Variants in GLIS3 observed in about 807,000 individuals in gnomAD.
GLIS3 encodes zinc finger protein GLIS3.
A neutral mutation model predicts 78.6 loss-of-function variants in GLIS3; 53 were observed. The ratio of observed to expected loss-of-function variants is 0.67; its 90% confidence interval spans 0.54 to 0.85. GLIS3 has a LOEUF of 0.85. GLIS3 is among the 40% of genes least tolerant of loss of function. The pLI is 0.00. For missense variants in GLIS3, 1,703 were observed against 1,231.1 expected, an observed-to-expected ratio of 1.38 and a Z score of -5.74; for synonymous variants, 684 against 509.9, an observed-to-expected ratio of 1.34 and a Z score of -4.60.
the GLIS3 span, among the ~76,000 whole-genome samples, chr9:4,455,181 A>T: frequency 2.0e-5 from 3 of 152,212 alleles, no homozygotes; most frequent in Non-Finnish European, 4.4e-5. Context: ...TAAAGTTACT[A>T]TTCTTTCACA....
chr9:4,217,466 A>G (rs893386413), intron 2 of GLIS3, among the ~76,000 whole-genome samples: 1 of 152,176 alleles, frequency 6.6e-6, no homozygotes, highest in Non-Finnish European at 1.5e-5. Flanking sequence ...TCTAAGAGTG[A>G]AGTGCACTTA....
the GLIS3 span, among the ~76,000 whole-genome samples, chr9:4,382,265 T>C: frequency 6.6e-6 from 1 of 152,290 alleles, no homozygotes; most frequent in South Asian, 2.1e-4. Flanking sequence ...AAAGTACAGA[T>C]TGGAGAACAT....
intron 2 of GLIS3, among the ~76,000 whole-genome samples, chr9:4,200,094 A>G (rs1417418523): frequency 2.0e-5 from 3 of 152,178 alleles, no homozygotes; most frequent in African/African-American, 7.2e-5. Context: ...ATTTTTTACA[A>G]ACTTCAATAT....
chr9:4,153,838 T>A (rs968522906), intron 2 of GLIS3, among the ~76,000 whole-genome samples: 1 of 152,214 alleles, frequency 6.6e-6, no homozygotes, highest in South Asian at 2.1e-4. Flanking sequence ...CAACTTAGCA[T>A]CCTTAAAACA....
intron 4 of GLIS3, among the ~76,000 whole-genome samples, chr9:3,952,633 T>A (rs1052655908): frequency 3.3e-5 from 5 of 152,202 alleles, no homozygotes; most frequent in Non-Finnish European, 5.9e-5. Flanking sequence ...TGAATAATAA[T>A]GGGTCAGATT....
At chr9:3,886,984 A>G (rs1319566789) in intron 7 of GLIS3, among the ~76,000 whole-genome samples, 2 of 152,164 alleles carry the variant, frequency 1.3e-5, no homozygotes, top group African/African-American at 4.8e-5. Flanking sequence ...CAGGAAGGGC[A>G]TCATTCCACA....
the GLIS3 span, among the ~76,000 whole-genome samples, chr9:4,418,020 C>T: frequency 8.9e-3 from 1,358 of 152,262 alleles, 51 homozygotes; most frequent in East Asian, 0.062. Context: ...CACTAAAACC[C>T]GCTAACACCT....
chr9:4,111,332 T>G (rs1007669202), intron 4 of GLIS3, among the ~76,000 whole-genome samples: 1 of 152,214 alleles, frequency 6.6e-6, no homozygotes, highest in Admixed American at 6.5e-5. Context: ...TTATCTATTG[T>G]TTTTCATTCA....
At chr9:3,910,820 A>C (rs973760566) in intron 6 of GLIS3, among the ~76,000 whole-genome samples, 4 of 152,326 alleles carry the variant, frequency 2.6e-5, no homozygotes, top group African/African-American at 9.6e-5. Flanking sequence ...AAGACAGAGA[A>C]AGCATCTAAC....
chr9:3,956,028 C>CCAAAAAAAAAA (rs1491307787), intron 4 of GLIS3, among the ~76,000 whole-genome samples: 2 of 87,628 alleles, frequency 2.3e-5, no homozygotes, highest in African/African-American at 4.1e-5. Context: ...CCAGATTCAG[C>CCAAAAAAAAAA]AAAAAAAAAA....
chr9:4,293,847 C>T (rs1023527902), intron 1 of GLIS3, among the ~76,000 whole-genome samples: 2 of 152,210 alleles, frequency 1.3e-5, no homozygotes, highest in African/African-American at 4.8e-5. Flanking sequence ...AATGTGCAGT[C>T]ATTCTTGTTC....
intron 4 of GLIS3, among the ~76,000 whole-genome samples, chr9:3,968,963 C>G (rs1818166057): frequency 1.3e-5 from 2 of 152,214 alleles, no homozygotes. Context: ...ACAAGACACC[C>G]TTTGCAAAAG....
intron 6 of GLIS3, among the ~76,000 whole-genome samples, chr9:3,903,802 T>C (rs183934241): frequency 1.9e-3 from 290 of 152,220 alleles, no homozygotes; most frequent in Non-Finnish European, 3.8e-3. Flanking sequence ...TTGGGAGTGA[T>C]AGGGGGAATT....
Position 4,285,742 on chromosome 9 carries a change from C to A in GLIS3, c.388+296G>T, listed in dbSNP as rs190805580. Reference sequence around the variant, plus strand: ...AGGGCATGATCTTGCTAACCTAGCTCTTACCCTTCCACCACAACCACTCAG... The same window carrying A: ...AGGGCATGATCTTGCTAACCTAGCTATTACCCTTCCACCACAACCACTCAG... On this transcript the variant is annotated intron_variant, in intron 2 of 10. Coordinates refer to ENST00000381971, the MANE Select transcript of GLIS3 (RefSeq NM_001042413.2). The A allele has an allele frequency of 6.1e-3, 2,564 of 418,738 alleles. 19 individuals carry two copies. The highest frequency in any genetic ancestry group is 8.0e-3 in the Non-Finnish European group (1,797 of 225,080). 25.9% of individuals were successfully genotyped at this position (418,738 alleles called of 1,614,324 possible).
At chr9:4,031,202 T>A (rs1258443132) in intron 4 of GLIS3, among the ~76,000 whole-genome samples, 1 of 152,182 alleles carries the variant, frequency 6.6e-6, no homozygotes, top group East Asian at 1.9e-4. Flanking sequence ...AGCAGTACTA[T>A]TTACAATAGT....
At chr9:3,951,689 T>C (rs1044006879) in intron 4 of GLIS3, among the ~76,000 whole-genome samples, 1 of 152,098 alleles carries the variant, frequency 6.6e-6, no homozygotes, top group Non-Finnish European at 1.5e-5. Context: ...AGGGGGTCAG[T>C]TTCAGACTTC....
At position 4,193,339 on chromosome 9, in the gene GLIS3, C is replaced by T. The variant is rs1298935703; in HGVS notation, c.389-67398G>A. 2.0e-5 allele frequency among the ~76,000 whole-genome samples: 3 copies of T among 152,164 alleles called. No individual in the cohort carries two copies. In the South Asian group the frequency reaches 6.2e-4, roughly 32 times the overall value. ...TACTGAAACACAGACAATATTTGTC[C>T]ATTTACATAGTGTCAATGGCTGCTA... On this transcript the variant is annotated intron_variant, in intron 2 of 10. Coordinates refer to ENST00000381971, the MANE Select transcript of GLIS3 (RefSeq NM_001042413.2).
intron 4 of GLIS3, among the ~76,000 whole-genome samples, chr9:4,011,619 C>G (rs1320720958): frequency 6.6e-6 from 1 of 152,164 alleles, no homozygotes; most frequent in East Asian, 1.9e-4. Flanking sequence ...TAGTGGCGAA[C>G]TGCCCTGGAC....
chr9:4,478,849 G>A, the GLIS3 span, among the ~76,000 whole-genome samples: 1 of 152,158 alleles, frequency 6.6e-6, no homozygotes, highest in Non-Finnish European at 1.5e-5. Context: ...AAGGGTTGAT[G>A]GTGAATTTAT....
Sources: gnomAD v4.1 joint callset for allele counts (sites outside exome capture counted in the v4.1 genomes callset) on GRCh38, gnomAD v4.1.1 for gene constraint, MANE v1.5 for transcripts, NCBI Gene and HGNC (gene_info 2026-07-23, HGNC 2026-07-21) for gene names.